Variants in AFDN observed in about 807,000 individuals in gnomAD.
AFDN encodes the protein afadin, adherens junction formation factor.
A neutral mutation model predicts 216.6 loss-of-function variants in AFDN; 68 were observed. The observed-to-expected ratio is 0.31, with a 90% CI of 0.26 to 0.38. The LOEUF (loss-of-function observed/expected upper bound fraction) is 0.38. Among genes scored for constraint, AFDN ranks in the 10% least tolerant of loss-of-function variants. The pLI, the probability that AFDN is intolerant of heterozygous loss-of-function variation, is 1.00. For missense variants in AFDN, 2,136 were observed against 2,342.0 expected (o/e 0.91, Z 1.82); for synonymous variants, 868 against 853.7 (o/e 1.02, Z -0.29).
chr6:167,842,223 G>A (rs1781150378), intron 1 of AFDN, among the ~76,000 whole-genome samples: 1 of 151,898 alleles, frequency 6.6e-6, no homozygotes, highest in African/African-American at 2.4e-5. Flanking sequence ...GCCCACTGTG[G>A]GACCATAAAA....
chr6:167,826,770 G>A (rs539302376), upstream of AFDN: 1 of 347,470 alleles, frequency 2.9e-6, no homozygotes, highest in Admixed American at 3.8e-5. Context: ...CCTCCCTGGC[G>A]GCCGCGGCAG....
chr6:167,937,837 G>T (rs1269710894), intron 23 of AFDN, among the ~76,000 whole-genome samples: 1 of 152,160 alleles, frequency 6.6e-6, no homozygotes, highest in Non-Finnish European at 1.5e-5. Flanking sequence ...CATATCGGTT[G>T]CTTCTTAACT....
At chr6:167,828,892 A>G (rs1406000579) in intron 1 of AFDN, among the ~76,000 whole-genome samples, 1 of 152,010 alleles carries the variant, frequency 6.6e-6, no homozygotes, top group East Asian at 1.9e-4. Context: ...AAAATCTCAA[A>G]TCAGAAACAT....
chr6:167,871,405 C>T (rs1784782672), intron 3 of AFDN, among the ~76,000 whole-genome samples: 2 of 152,320 alleles, frequency 1.3e-5, no homozygotes, highest in Middle Eastern at 3.4e-3. Flanking sequence ...CACAGACCCT[C>T]ATTGACATGT....
At position 167,918,816 on chromosome 6, in the gene AFDN, G is replaced by A. The variant is rs961942844; in HGVS notation, c.2791G>A (p.Glu931Lys). 5.0e-6 allele frequency: 8 copies of A among 1,612,884 alleles called. No individual in the cohort carries two copies. The African/African-American group carries it at 8.0e-5, about 16-fold the overall frequency. The change falls in exon 21 of 34, where the codon GAG becomes AAG. Residue 931 changes from glutamate to lysine, a missense_variant. Glu to Lys is a moderately conservative substitution (Grantham distance 56). Transcript: ENST00000683244. Reference protein sequence around the residue: ...ARSDGREVQLEEDPDLQLPFL... With the variant: ...ARSDGREVQLKEDPDLQLPFL... ...CAGTGATGGAAGGGAAGTGCAGTTG[G>A]AGGAGGATCCTGATCTGCAGCTGCC...
intron 28 of AFDN, 122 bp downstream of exon 28, chr6:167,948,066 T>A: frequency 1.2e-6 from 1 of 830,490 alleles, no homozygotes; most frequent in Non-Finnish European, 1.9e-6. Flanking sequence ...ATTTCTAAAT[T>A]TGCAGTGTTT....
At chr6:167,924,051 T>G (rs1792176019) in intron 22 of AFDN, among the ~76,000 whole-genome samples, 1 of 152,194 alleles carries the variant, frequency 6.6e-6, no homozygotes, top group African/African-American at 2.4e-5. Flanking sequence ...TTCCTCGTCT[T>G]TTTAGTTTAT....
At chr6:167,880,576 C>T in intron 6 of AFDN, 59 bp downstream of exon 6, 1 of 1,522,996 alleles carries the variant, frequency 6.6e-7, no homozygotes, top group Non-Finnish European at 9.0e-7. Context: ...GGTAGATTTT[C>T]TTTAAATCAA....
Position 167,827,196 on chromosome 6 carries a change from G to T in AFDN, c.64G>T (p.Ala22Ser). Residue 22 changes from alanine (A) to serine (S), a missense_variant, in exon 1 of 34, where the codon GCC (alanine) becomes TCC (serine). Ala to Ser is a moderately conservative substitution (Grantham distance 99). This residue lies in a region of AFDN where 81 missense variants were observed against 51.2 expected (regional missense o/e 1.58). Coordinates refer to ENST00000683244, the MANE Select transcript of AFDN (RefSeq NM_001386888.1). ...GGCCGACATCATCCACCACTGGAAC[G>T]CCAACCGGCTGGACCTGTTCGAGAT... ...KLADIIHHWN[A>S]NRLDLFEISQ... 7.7e-7 allele frequency: 1 copy of T among 1,297,098 alleles called. No homozygotes were observed. Among genetic ancestry groups the T allele is most frequent in the Non-Finnish European group, 1.0e-6 (1 of 992,394 alleles). The allele number at this position is 1,297,098 out of a possible 1,614,324, so 80.3% of individuals were successfully genotyped here.
chr6:167,852,441 T>G (rs1782426482), intron 1 of AFDN, among the ~76,000 whole-genome samples: 1 of 152,182 alleles, frequency 6.6e-6, no homozygotes, highest in South Asian at 2.1e-4. Flanking sequence ...AAGGCTTGAA[T>G]GGATTCAGGT....
At position 167,897,642 on chromosome 6, in the gene AFDN, C is replaced by CTTTTTTTTTTTTTTTTT. The variant is rs57383020; in HGVS notation, c.1318-554_1318-538dup. 3.3e-5 allele frequency among the ~76,000 whole-genome samples: 3 copies of CTTTTTTTTTTTTTTTTT among 89,724 alleles called. 1 individual carries two copies. Among genetic ancestry groups the CTTTTTTTTTTTTTTTTT allele is most frequent in the African/African-American group, 5.1e-5 (1 of 19,722 alleles). The allele number at this position is 89,724 out of a possible 152,430, so 58.9% of individuals were successfully genotyped here. A position where few individuals can be genotyped will look rare whatever the true frequency, so the allele number is the denominator to read the frequency against. ...AATATTGGTTAAGATGACTGTATGC[C>CTTTTTTTTTTTTTTTTT]TTTTTTTTTTTTTTTTTTTTTTTTT... On this transcript the variant is annotated intron_variant, in intron 10 of 33. Coordinates refer to ENST00000683244, the MANE Select transcript of AFDN (RefSeq NM_001386888.1).
Position 167,951,933 on chromosome 6 carries a change from G to A in AFDN, c.4579G>A (p.Ala1527Thr), listed in dbSNP as rs780477870. Residue 1527 changes from alanine (A) to threonine (T), a missense_variant, in exon 30 of 34, where the codon GCC (alanine) becomes ACC (threonine). This residue lies in a region of AFDN where 981 missense variants were observed against 966.0 expected (regional missense o/e 1.02). Coordinates refer to ENST00000683244, the MANE Select transcript of AFDN (RefSeq NM_001386888.1). This position sits in a 1 kb window ranked among gnomAD's most constrained non-coding sequence, Gnocchi z 7.1. ...GTCCCCCGACCCGTGGAAGCGGGAC[G>A]CCAAGGAGAAGCTGGAGAAGCAGCA... ...SLSPDPWKRDAKEKLEKQQQM... is the reference protein window; with the variant it reads ...SLSPDPWKRDTKEKLEKQQQM... 3.1e-6 allele frequency: 5 copies of A among 1,614,006 alleles called. No individual in the cohort carries two copies. The highest frequency in any genetic ancestry group is 1.3e-5 in the African/African-American group (1 of 74,912).
chr6:167,967,186 ATTAC>A (rs1797653126), intron 32 of AFDN, among the ~76,000 whole-genome samples: 1 of 152,234 alleles, frequency 6.6e-6, no homozygotes, highest in Non-Finnish European at 1.5e-5. Context: ...ATACAAGAGT[ATTAC>A]TTTTAGTGAG....
At chr6:167,926,889 A>G (rs184836985) in intron 23 of AFDN, among the ~76,000 whole-genome samples, 1 of 152,216 alleles carries the variant, frequency 6.6e-6, no homozygotes, top group African/African-American at 2.4e-5. Flanking sequence ...AGTCCCCAGC[A>G]TATAGTAGGC....
At chr6:167,854,707 C>G (rs892984667) in intron 1 of AFDN, among the ~76,000 whole-genome samples, 1 of 151,308 alleles carries the variant, frequency 6.6e-6, no homozygotes, top group African/African-American at 2.4e-5. Flanking sequence ...TGAGACCCAC[C>G]TAAAAGTCTA....
chr6:167,942,501 C>T (rs920804122), intron 23 of AFDN, among the ~76,000 whole-genome samples: 3 of 152,082 alleles, frequency 2.0e-5, no homozygotes, highest in Admixed American at 6.6e-5. Flanking sequence ...TTAGTATAGT[C>T]GTGGTATCCA....
intron 21 of AFDN, among the ~76,000 whole-genome samples, chr6:167,920,721 AT>A (rs1791679670): frequency 6.6e-6 from 1 of 152,158 alleles, no homozygotes; most frequent in African/African-American, 2.4e-5. Context: ...TACGCACACT[AT>A]AGATGTCATT....
intron 23 of AFDN, among the ~76,000 whole-genome samples, chr6:167,931,996 C>T (rs1378534861): frequency 6.6e-6 from 1 of 152,148 alleles, no homozygotes; most frequent in Non-Finnish European, 1.5e-5. Context: ...TTATAGTTAC[C>T]TCAGCTCTTC....
chr6:167,955,052 TTGTA>T (rs1189135000), intron 30 of AFDN, among the ~76,000 whole-genome samples: 4 of 152,360 alleles, frequency 2.6e-5, no homozygotes, highest in Non-Finnish European at 4.4e-5. Context: ...TCATGGTCTG[TTGTA>T]AATTCAAAGT....
Sources: gnomAD v4.1 joint callset for allele counts (sites outside exome capture counted in the v4.1 genomes callset) on GRCh38, gnomAD v4.1.1 for gene constraint, gnomAD v4.1.1 regional missense constraint, Gnocchi (gnomAD v3.1) non-coding constraint, MANE v1.5 for transcripts, NCBI Gene and HGNC (gene_info 2026-07-23, HGNC 2026-07-21) for gene names.